Variants in FRK observed in about 807,000 individuals in gnomAD.
The protein encoded by FRK is fyn related Src family tyrosine kinase.
Under a neutral mutation model 56.4 loss-of-function variants are expected in FRK, and 51 were observed. The observed-to-expected ratio is 0.90, with a 90% CI of 0.72 to 1.14. FRK has a LOEUF of 1.14. Among genes scored for constraint, FRK ranks in the 50% most tolerant of loss-of-function variants. The pLI is 0.00. For synonymous variants in FRK, 245 were observed against 217.9 expected, an observed-to-expected ratio of 1.12 and a Z score of -1.10; for missense variants, 570 against 601.4, an observed-to-expected ratio of 0.95 and a Z score of 0.55.
chr6:116,015,586 A>C (rs1002770402), intron 1 of FRK, among the ~76,000 whole-genome samples: 1 of 152,232 alleles, frequency 6.6e-6, no homozygotes, highest in African/African-American at 2.4e-5. Flanking sequence ...GAAGACAGGA[A>C]TATGTAGGAA....
At chr6:116,085,913 T>A in the FRK span, among the ~76,000 whole-genome samples, 1 of 152,180 alleles carries the variant, frequency 6.6e-6, no homozygotes, top group Non-Finnish European at 1.5e-5. Context: ...AAGAGAATAG[T>A]AGTAACAATA....
At chr6:115,972,576 A>G (rs764492311) in intron 2 of FRK, among the ~76,000 whole-genome samples, 4 of 152,144 alleles carry the variant, frequency 2.6e-5, no homozygotes, top group African/African-American at 4.8e-5. Flanking sequence ...CACTCCTTGT[A>G]TCCTTTCTAA....
the FRK span, among the ~76,000 whole-genome samples, chr6:116,072,564 C>A: frequency 0.05 from 7,552 of 149,650 alleles, 263 homozygotes; most frequent in Non-Finnish European, 0.069. Flanking sequence ...CACACACACA[C>A]AAGATACCTT....
chr6:116,071,097 T>C, the FRK span, among the ~76,000 whole-genome samples: 2 of 152,282 alleles, frequency 1.3e-5, no homozygotes, highest in South Asian at 4.1e-4. Context: ...TTTGGAAAAG[T>C]AACTGAGTCT....
chr6:116,052,083 G>A (rs1777200344), intron 1 of FRK, among the ~76,000 whole-genome samples: 1 of 152,118 alleles, frequency 6.6e-6, no homozygotes, highest in East Asian at 1.9e-4. Flanking sequence ...ATGTGTATAT[G>A]TGATTTTTAG....
chr6:115,935,931 A>C lies in FRK; in HGVS notation c.*6483T>G, dbSNP rs1007727474. The C allele has an allele frequency of 3.9e-5, 6 of 152,306 alleles. No individual in the cohort carries two copies. Among genetic ancestry groups the C allele is most frequent in the African/African-American group, 1.4e-4 (6 of 41,428 alleles). The allele number at this position is 152,306 out of a possible 1,614,324, so 9.4% of individuals were successfully genotyped here. A position where few individuals can be genotyped will look rare whatever the true frequency, so the allele number is the denominator to read the frequency against. Reference sequence around the variant, plus strand: ...GGGAGCAGCTTCAGCAGACTTAAATATCTCTGCCGGACAGCTCTGAAGAGA... The same window carrying C: ...GGGAGCAGCTTCAGCAGACTTAAATCTCTCTGCCGGACAGCTCTGAAGAGA... On this transcript the variant is annotated 3_prime_UTR_variant, in exon 8 of 8. Coordinates refer to ENST00000606080, the MANE Select transcript of FRK (RefSeq NM_002031.3).
rs1441994604 is a variant in FRK, at chr6:115,941,013, G to A, written c.*1401C>T. 2 of 152,160 alleles carry A rather than the reference G, an allele frequency of 1.3e-5. No individual in the cohort carries two copies. The highest frequency in any genetic ancestry group is 2.9e-5 in the Non-Finnish European group (2 of 68,018). The allele number at this position is 152,160 out of a possible 1,614,324, so 9.4% of individuals were successfully genotyped here. Reference sequence around the variant, plus strand: ...CCCATTACTGGGTATGTACCTAAAGGCTTATAAATCATTCTGCTATAAAGA... The same window carrying A: ...CCCATTACTGGGTATGTACCTAAAGACTTATAAATCATTCTGCTATAAAGA... On this transcript the variant is annotated 3_prime_UTR_variant, in exon 8 of 8. Transcript: ENST00000606080.
Position 115,934,317 on chromosome 6 carries a change from A to G in FRK, c.*8097T>C, listed in dbSNP as rs1238686883. ...GAACTTATTTTAATCCAATCAGCAC[A>G]TAACATTCACATTAAGCCTATTTTT... On this transcript the variant is annotated 3_prime_UTR_variant, in exon 8 of 8. Transcript: ENST00000606080. 6.6e-6 allele frequency: 1 copy of G among 152,222 alleles called. No individual in the cohort carries two copies. The highest frequency in any genetic ancestry group is 1.5e-5 in the Non-Finnish European group (1 of 68,050). 9.4% of individuals were successfully genotyped at this position (152,222 alleles called of 1,614,324 possible).
chr6:116,098,679 T>C, the FRK span, among the ~76,000 whole-genome samples: 38 of 152,236 alleles, frequency 2.5e-4, no homozygotes, highest in Non-Finnish European at 1.5e-5. Context: ...AGTAGAAGAC[T>C]GAACTTGTAG....
chr6:115,983,284 G>A (rs375999478), intron 2 of FRK, among the ~76,000 whole-genome samples: 1 of 152,034 alleles, frequency 6.6e-6, no homozygotes, highest in East Asian at 1.9e-4. Context: ...CAGGTAGTGA[G>A]ATTCTGAAGC....
At chr6:115,950,849 A>G (rs531031702) in intron 5 of FRK, among the ~76,000 whole-genome samples, 1 of 152,340 alleles carries the variant, frequency 6.6e-6, no homozygotes, top group South Asian at 2.1e-4. Flanking sequence ...ATAAAAAGGA[A>G]TGAGTTCATG....
chr6:116,020,881 T>C (rs1207190194), intron 1 of FRK, among the ~76,000 whole-genome samples: 1 of 152,168 alleles, frequency 6.6e-6, no homozygotes, highest in African/African-American at 2.4e-5. Context: ...CTGCAACAAT[T>C]ATAATTTTTC....
intron 2 of FRK, among the ~76,000 whole-genome samples, chr6:115,970,373 G>GT (rs1052423235): frequency 2.0e-5 from 3 of 152,130 alleles, no homozygotes; most frequent in Non-Finnish European, 1.5e-5. Flanking sequence ...CAAAACATGT[G>GT]TTTAAGAATG....
intron 4 of FRK, 132 bp from the exon 5 acceptor site, chr6:115,956,742 G>T: frequency 4.6e-6 from 3 of 650,360 alleles, no homozygotes; most frequent in Middle Eastern, 3.0e-4. Context: ...CAAATCTTCA[G>T]AGTTATCAAA....
upstream of FRK, among the ~76,000 whole-genome samples, chr6:116,062,184 T>C (rs1299132591): frequency 6.6e-6 from 1 of 152,118 alleles, no homozygotes; most frequent in Non-Finnish European, 1.5e-5. Context: ...GGAGTCAGAG[T>C]ACAAATAACA....
chr6:115,974,858 G>A (rs1773934819), intron 2 of FRK, among the ~76,000 whole-genome samples: 1 of 151,814 alleles, frequency 6.6e-6, no homozygotes, highest in African/African-American at 2.4e-5. Context: ...CTATCCACTC[G>A]AGCTCCTCCT....
chr6:115,948,172 A>C (rs2114526884), intron 5 of FRK, among the ~76,000 whole-genome samples: 1 of 152,358 alleles, frequency 6.6e-6, no homozygotes, highest in South Asian at 2.1e-4. Context: ...CTATGTTGCA[A>C]GCTGCCCAGT....
the FRK span, among the ~76,000 whole-genome samples, chr6:116,095,380 C>T: frequency 1.3e-5 from 2 of 152,178 alleles, no homozygotes. Flanking sequence ...AGGAAGGAGC[C>T]ATCTATATCA....
At chr6:116,095,716 T>C in the FRK span, among the ~76,000 whole-genome samples, 12 of 152,144 alleles carry the variant, frequency 7.9e-5, no homozygotes, top group African/African-American at 1.2e-4. Context: ...TTGCAAGAAA[T>C]AACAAAATCT....
Sources: gnomAD v4.1 joint callset for allele counts (sites outside exome capture counted in the v4.1 genomes callset) on GRCh38, gnomAD v4.1.1 for gene constraint, MANE v1.5 for transcripts, NCBI Gene and HGNC (gene_info 2026-07-23, HGNC 2026-07-21) for gene names.